Variants in ERCC6 observed in about 807,000 individuals in gnomAD.
ERCC6 encodes the protein ERCC excision repair 6, chromatin remodeling factor.
In ERCC6, 116 loss-of-function variants were observed where a neutral mutation model predicts 158.7. The observed-to-expected ratio is 0.73, with a 90% CI of 0.63 to 0.85. The LOEUF (loss-of-function observed/expected upper bound fraction) is 0.85, where lower values mean the gene tolerates loss of function less well. Among genes scored for constraint, ERCC6 ranks in the 40% least tolerant of loss-of-function variants. ERCC6 has a pLI of 0.00. For synonymous variants in ERCC6, 678 were observed against 659.3 expected, an observed-to-expected ratio of 1.03 and a Z score of -0.43; for missense variants, 1,698 against 1,799.4, an observed-to-expected ratio of 0.94 and a Z score of 1.02.
the ERCC6 span, among the ~76,000 whole-genome samples, chr10:49,443,486 T>C: frequency 6.6e-6 from 1 of 152,212 alleles, no homozygotes; most frequent in South Asian, 2.1e-4. Context: ...CCTCAGAACA[T>C]TGCAGTGCAA....
intron 18 of ERCC6, among the ~76,000 whole-genome samples, chr10:49,466,796 A>G (rs1225714399): frequency 1.3e-5 from 2 of 152,178 alleles, no homozygotes; most frequent in Non-Finnish European, 2.9e-5. Context: ...ATTAGTATAT[A>G]TATTTTTTGA....
chr10:49,517,832 T>C lies in ERCC6; in HGVS notation c.1397+6201A>G, dbSNP rs540919458. Among the ~76,000 whole-genome samples, 8 of 152,274 alleles carry C rather than the reference T, an allele frequency of 5.3e-5. No homozygotes were observed. The East Asian group carries it at 1.5e-3, about 29-fold the overall frequency. ...GTGCTGGGATTACAGGTATGAGCCA[T>C]TGTGCCCGGCCAGGCTTATTTCTTG... On this transcript the variant is annotated intron_variant, in intron 5 of 20. Coordinates refer to ENST00000355832, the MANE Select transcript of ERCC6 (RefSeq NM_000124.4).
rs761086051 is a variant in ERCC6, at chr10:49,470,363, A to T, written c.3597T>A (p.His1199Gln). The change falls in exon 18 of 21, where the codon CAT becomes CAA. Residue 1199 changes from histidine (H) to glutamine (Q), a missense_variant. By Grantham distance (24) the His-to-Gln change is conservative. Transcript: ENST00000355832. The part of the protein sequence containing the change: ...SVAEEETLEK[H>Q]LRPKQKPKNS... ...TCTTAGGCTTTTGCTTTGGTCTCAG[A>T]TGTTTCTCCAGGGTCTCTTCTTCTG... 1.2e-6 allele frequency: 2 copies of T among 1,614,066 alleles called. No homozygotes were observed. The highest frequency in any genetic ancestry group is 3.3e-5 in the Admixed American group (2 of 60,016).
At chr10:49,448,921 C>T in the ERCC6 span, among the ~76,000 whole-genome samples, 3,585 of 152,252 alleles carry the variant, frequency 0.024, 146 homozygotes, top group African/African-American at 0.08. Context: ...TTGGCTATTA[C>T]GAACAATGCT....
chr10:49,532,325 G>T (rs1837487657), intron 2 of ERCC6, among the ~76,000 whole-genome samples: 1 of 152,170 alleles, frequency 6.6e-6, no homozygotes, highest in Non-Finnish European at 1.5e-5. Flanking sequence ...GCTTTCACGA[G>T]CTGGACAGAG....
At chr10:49,530,545 G>A (rs1261779175) in intron 3 of ERCC6, among the ~76,000 whole-genome samples, 175 bp downstream of exon 3, 1 of 152,150 alleles carries the variant, frequency 6.6e-6, no homozygotes, top group Non-Finnish European at 1.5e-5. Context: ...AGAATGGGAT[G>A]TTAAAGGAAA....
Position 49,472,426 on chromosome 10 carries a change from A to T in ERCC6, c.2874T>A (p.Thr958=). 6.2e-7 allele frequency: 1 copy of T among 1,614,162 alleles called. No homozygotes were observed. Among genetic ancestry groups the T allele is most frequent in the East Asian group, 2.2e-5 (1 of 44,876 alleles). ...TGCCCGCAGTCAGGAGCCTGTACAC[A>T]GTCACTTGCTTCTTCTGGCCTATTC... ...AWRIGQKKQV[T]VYRLLTAGTI... Residue 958 remains threonine (T), a synonymous_variant, in exon 16 of 21, where the codon ACT becomes ACA. Transcript: ENST00000355832.
At position 49,458,832 on chromosome 10, in the gene ERCC6, T is replaced by G; in HGVS notation, c.4465A>C (p.Lys1489Gln). The change falls in exon 21 of 21, where the codon AAG (lysine) becomes CAG (glutamine). Residue 1489 changes from lysine to glutamine, a missense_variant. Coordinates refer to ENST00000355832, the MANE Select transcript of ERCC6 (RefSeq NM_000124.4). The stretch of plus-strand genomic sequence containing the variant: ...AATGTTGTTTAGCAGTATTCTGGCT[T>G]GAGTTTCCAAATTCCTTCACCACCA... ...TSGGEGIWKL[K>Q]PEYC 6.2e-7 allele frequency: 1 copy of G among 1,614,208 alleles called. No homozygotes were observed. The highest frequency in any genetic ancestry group is 8.5e-7 in the Non-Finnish European group (1 of 1,180,032).
At position 49,530,290 on chromosome 10, in the gene ERCC6, A is replaced by G. The variant is rs537074807; in HGVS notation, c.543+430T>C. Among the ~76,000 whole-genome samples, 7 of 152,286 alleles carry G rather than the reference A, an allele frequency of 4.6e-5. No individual in the cohort carries two copies. The South Asian group carries it at 8.3e-4, about 18-fold the overall frequency. On this transcript the variant is annotated intron_variant, in intron 3 of 20. Transcript: ENST00000355832. ...TCATGGTCTGACTTGCAATTTTTCA[A>G]CTTTGTGATGGGTTTATCAGGGCAT...
At chr10:49,509,531 T>C (rs975192664) in intron 5 of ERCC6, among the ~76,000 whole-genome samples, 1 of 152,208 alleles carries the variant, frequency 6.6e-6, no homozygotes, top group African/African-American at 2.4e-5. Context: ...AGTCTTCAGA[T>C]GGTACCTGCT....
rs1454808450 is a variant in ERCC6, at chr10:49,470,750, T to G, written c.3210A>C (p.Glu1070Asp). The change falls in exon 18 of 21, where the codon GAA (glutamate) becomes GAC (aspartate). Residue 1070 changes from glutamate (E) to aspartate (D), a missense_variant. By Grantham distance (45) the Glu-to-Asp change is conservative. Transcript: ENST00000355832. ...NISVNDATSS[E>D]EKSEAKGAEV... is the part of the protein sequence containing the mutation. ...CAGCTCCTTTAGCCTCAGATTTCTCTTCAGATGATGTGGCATCATTTACAG... is the reference window on the plus strand; with the variant it reads ...CAGCTCCTTTAGCCTCAGATTTCTCGTCAGATGATGTGGCATCATTTACAG... 6.2e-7 allele frequency: 1 copy of G among 1,614,172 alleles called. No individual in the cohort carries two copies. The highest frequency in any genetic ancestry group is 1.3e-5 in the African/African-American group (1 of 75,064).
intron 19 of ERCC6, among the ~76,000 whole-genome samples, chr10:49,461,081 G>A (rs562436615): frequency 6.6e-6 from 1 of 152,290 alleles, no homozygotes; most frequent in African/African-American, 2.4e-5. Context: ...TCATTATCCT[G>A]TATCTCTTAC....
At chr10:49,514,420 A>T (rs1836889858) in intron 5 of ERCC6, among the ~76,000 whole-genome samples, 1 of 152,240 alleles carries the variant, frequency 6.6e-6, no homozygotes, top group Non-Finnish European at 1.5e-5. Flanking sequence ...TATTAATGGG[A>T]ATTATCAAAT....
At chr10:49,504,048 T>C (rs569553519) in intron 6 of ERCC6, 82 of 152,316 alleles carry the variant, frequency 5.4e-4, no homozygotes, top group African/African-American at 1.9e-3. Context: ...GCAGAAAATG[T>C]ACTTAAATGG....
Position 49,470,241 on chromosome 10 carries a change from C to A in ERCC6, c.3719G>T (p.Ser1240Ile), listed in dbSNP as rs142219494. The A allele has an allele frequency of 1.6e-4, 251 of 1,614,166 alleles. 3 individuals carry two copies. In the African/African-American group the frequency reaches 2.7e-3, roughly 17 times the overall value. The change falls in exon 18 of 21, where the codon AGT becomes ATT. Residue 1240 changes from serine (S) to isoleucine (I), a missense_variant. Physicochemically the swap from Ser to Ile is moderately radical, Grantham distance 142. Coordinates refer to ENST00000355832, the MANE Select transcript of ERCC6 (RefSeq NM_000124.4). Reference protein sequence around the residue: ...RYQKQDSENKSEAKEQSNDDY... With the variant: ...RYQKQDSENKIEAKEQSNDDY... ...GTCATTGCTCTGTTCCTTGGCCTCA[C>A]TCTTGTTTTCACTGTCTTGCTTCTG...
chr10:49,490,254 G>C (rs1401562804), intron 8 of ERCC6, among the ~76,000 whole-genome samples: 1 of 152,146 alleles, frequency 6.6e-6, no homozygotes. Flanking sequence ...GGATCAAAGG[G>C]TGAGAGAGGT....
intron 2 of ERCC6, among the ~76,000 whole-genome samples, chr10:49,531,178 A>G (rs1486208528): frequency 1.3e-5 from 2 of 152,344 alleles, no homozygotes; most frequent in African/African-American, 4.8e-5. Flanking sequence ...TTTTACATGA[A>G]AAAATGCATA....
chr10:49,442,022 C>T, the ERCC6 span, among the ~76,000 whole-genome samples: 1 of 152,180 alleles, frequency 6.6e-6, no homozygotes, highest in Non-Finnish European at 1.5e-5. Flanking sequence ...TAGCACATCC[C>T]TGGCCCCAGG....
chr10:49,486,884 A>G (rs1464808824), intron 8 of ERCC6, among the ~76,000 whole-genome samples: 1 of 152,262 alleles, frequency 6.6e-6, no homozygotes, highest in African/African-American at 2.4e-5. Context: ...CCCTGTTTTC[A>G]AAACTGACAC....
Sources: allele counts gnomAD v4.1 joint callset (sites outside exome capture counted in the v4.1 genomes callset), GRCh38; gene constraint gnomAD v4.1.1; transcripts MANE v1.5; gene names NCBI Gene and HGNC (gene_info 2026-07-23, HGNC 2026-07-21).